LRMDA: variants seen among roughly 807,000 people sequenced by gnomAD.
The protein encoded by LRMDA is leucine-rich melanocyte differentiation-associated protein.
LRMDA carries 18 observed loss-of-function variants against 29.8 expected under a neutral mutation model. The observed-to-expected ratio is 0.60, with a 90% CI of 0.42 to 0.90. LRMDA has a LOEUF of 0.90. LRMDA is among the 40% of genes least tolerant of loss of function. The pLI, the probability that LRMDA is intolerant of heterozygous loss-of-function variation, is 0.00. For missense variants in LRMDA, 273 were observed against 273.9 expected, an observed-to-expected ratio of 1.00 and a Z score of 0.02; for synonymous variants, 125 against 109.4, an observed-to-expected ratio of 1.14 and a Z score of -0.89.
chr10:75,970,928 G>A (rs1846956658), intron 2 of LRMDA, among the ~76,000 whole-genome samples: 1 of 152,160 alleles, frequency 6.6e-6, no homozygotes, highest in South Asian at 2.1e-4. Flanking sequence ...GTTATATTGG[G>A]TATTCTAAAT....
At chr10:76,165,422 C>T (rs1589359653) in intron 5 of LRMDA, among the ~76,000 whole-genome samples, 2 of 152,126 alleles carry the variant, frequency 1.3e-5, no homozygotes, top group South Asian at 4.1e-4. Flanking sequence ...CAGGCATGCA[C>T]GTCCATACCT....
At chr10:76,027,909 A>G (rs10824357) in intron 2 of LRMDA, among the ~76,000 whole-genome samples, 12,876 of 152,184 alleles carry the variant, frequency 0.085, 849 homozygotes, top group East Asian at 0.24. Flanking sequence ...ATACAGATAT[A>G]TTGAGCTTTA....
intron 5 of LRMDA, among the ~76,000 whole-genome samples, chr10:76,284,332 G>A (rs974032926): frequency 3.3e-5 from 5 of 152,152 alleles, no homozygotes; most frequent in Non-Finnish European, 5.9e-5. Context: ...GATGAAGCAA[G>A]CAGAGATTGG....
At chr10:75,576,940 CA>C (rs1379754799) in intron 2 of LRMDA, among the ~76,000 whole-genome samples, 2 of 152,164 alleles carry the variant, frequency 1.3e-5, no homozygotes, top group Non-Finnish European at 2.9e-5. Context: ...GAAACCAGTG[CA>C]AAAAGGCTGA....
intron 5 of LRMDA, among the ~76,000 whole-genome samples, chr10:76,157,334 G>A (rs1408431409): frequency 2.6e-5 from 4 of 152,152 alleles, no homozygotes; most frequent in African/African-American, 7.2e-5. Context: ...GCTTAGAACT[G>A]GGTGCAGTGG....
intron 2 of LRMDA, among the ~76,000 whole-genome samples, chr10:75,559,655 TA>T (rs1840265365): frequency 6.6e-6 from 1 of 150,428 alleles, no homozygotes; most frequent in East Asian, 1.9e-4. Flanking sequence ...CTAGGGTTTT[TA>T]TGGTTTTAGG....
chr10:76,350,612 T>A (rs1841164459), intron 6 of LRMDA, among the ~76,000 whole-genome samples: 1 of 152,048 alleles, frequency 6.6e-6, no homozygotes, highest in Non-Finnish European at 1.5e-5. Context: ...TAGGGTCATT[T>A]GAGTTCCTGT....
intron 6 of LRMDA, among the ~76,000 whole-genome samples, chr10:76,359,977 G>T (rs1841291388): frequency 6.6e-6 from 1 of 151,898 alleles, no homozygotes; most frequent in Admixed American, 6.6e-5. Context: ...CGGTCCAGTG[G>T]CATTTCTTTT....
chr10:75,641,674 A>G (rs1021933220), intron 2 of LRMDA, among the ~76,000 whole-genome samples: 1 of 152,040 alleles, frequency 6.6e-6, no homozygotes, highest in African/African-American at 2.4e-5. Context: ...TCCTGGGCTC[A>G]AGCTGTCTTC....
At chr10:76,341,126 A>G (rs1841036429) in intron 6 of LRMDA, among the ~76,000 whole-genome samples, 1 of 152,198 alleles carries the variant, frequency 6.6e-6, no homozygotes, top group Admixed American at 6.5e-5. Flanking sequence ...GTGAATAAAA[A>G]GAAAGCAGGT....
At chr10:76,538,562 A>G (rs1456162838) in intron 6 of LRMDA, among the ~76,000 whole-genome samples, 1 of 149,350 alleles carries the variant, frequency 6.7e-6, no homozygotes, top group Non-Finnish European at 1.5e-5. Context: ...ATATACACAC[A>G]CACACACACA....
At chr10:76,216,576 C>CATT (rs140586051) in intron 5 of LRMDA, among the ~76,000 whole-genome samples, 2,948 of 152,136 alleles carry the variant, frequency 0.019, 87 homozygotes, top group African/African-American at 0.063. Context: ...ATATTCCCAA[C>CATT]ATTAGTGACT....
At chr10:75,953,959 A>T (rs916836845) in intron 2 of LRMDA, among the ~76,000 whole-genome samples, 39 of 152,156 alleles carry the variant, frequency 2.6e-4, no homozygotes, top group Non-Finnish European at 4.3e-4. Flanking sequence ...AACTTTCTTC[A>T]CCTGGTTGAA....
chr10:76,504,056 T>G (rs1357495010), intron 6 of LRMDA, among the ~76,000 whole-genome samples: 1 of 151,898 alleles, frequency 6.6e-6, no homozygotes, highest in Admixed American at 6.6e-5. Context: ...CAAAGAATTT[T>G]TTTTATTTCT....
intron 2 of LRMDA, among the ~76,000 whole-genome samples, chr10:75,998,495 C>G (rs542989753): frequency 1.3e-5 from 2 of 152,318 alleles, no homozygotes; most frequent in South Asian, 2.1e-4. Context: ...GGGAAGAAAA[C>G]CCAAATAACT....
intron 6 of LRMDA, among the ~76,000 whole-genome samples, chr10:76,437,049 C>T (rs1016737505): frequency 2.0e-5 from 3 of 152,198 alleles, no homozygotes; most frequent in Non-Finnish European, 2.9e-5. Context: ...AGTGATGGCA[C>T]AGACCCAGTG....
chr10:75,707,144 T>C (rs1353639424), intron 2 of LRMDA, among the ~76,000 whole-genome samples: 1 of 152,184 alleles, frequency 6.6e-6, no homozygotes, highest in African/African-American at 2.4e-5. Context: ...TGTGTTTGTG[T>C]GTGTATACCT....
chr10:76,473,730 C>G (rs903400858), intron 6 of LRMDA, among the ~76,000 whole-genome samples: 1 of 151,392 alleles, frequency 6.6e-6, no homozygotes, highest in African/African-American at 2.4e-5. Flanking sequence ...ATTAAGAAAA[C>G]AATTCCATTT....
At chr10:76,339,915 A>G (rs1310907864) in intron 6 of LRMDA, among the ~76,000 whole-genome samples, 3 of 151,568 alleles carry the variant, frequency 2.0e-5, no homozygotes, top group Admixed American at 2.0e-4. Flanking sequence ...ATTCCAGAAA[A>G]TAAAAAATAT....
Sources: gnomAD v4.1 joint callset for allele counts (sites outside exome capture counted in the v4.1 genomes callset) on GRCh38, gnomAD v4.1.1 for gene constraint, MANE v1.5 for transcripts, NCBI Gene and HGNC (gene_info 2026-07-23, HGNC 2026-07-21) for gene names.